Variants in TNS3 observed in about 807,000 individuals in gnomAD.
TNS3 encodes tensin 3, also known as tensin-3.
In TNS3, 45 loss-of-function variants were observed where a neutral mutation model predicts 140.9. The observed-to-expected ratio is 0.32, with a 90% confidence interval of 0.25 to 0.41. TNS3 has a LOEUF of 0.41. Among genes scored for constraint, TNS3 ranks in the 10% least tolerant of loss-of-function variants. The pLI is 1.00. For missense variants in TNS3, 1,716 were observed against 1,906.7 expected (o/e 0.90, Z 1.86); for synonymous variants, 815 against 788.4 (o/e 1.03, Z -0.56).
intron 4 of TNS3, among the ~76,000 whole-genome samples, chr7:47,473,081 C>T (rs967463634): frequency 6.6e-6 from 1 of 152,226 alleles, no homozygotes; most frequent in Non-Finnish European, 1.5e-5. Flanking sequence ...CATCCACACC[C>T]ATCGTCCTCC....
intron 17 of TNS3, among the ~76,000 whole-genome samples, chr7:47,367,185 A>G (rs957783771): frequency 6.6e-6 from 1 of 152,192 alleles, no homozygotes; most frequent in African/African-American, 2.4e-5. Flanking sequence ...CAGCCGCTAC[A>G]GCCTGGCCGT....
intron 17 of TNS3, among the ~76,000 whole-genome samples, chr7:47,347,319 T>G (rs1362835631): frequency 6.6e-6 from 1 of 152,118 alleles, no homozygotes; most frequent in African/African-American, 2.4e-5. Context: ...AAATACATCA[T>G]GATAGTGACA....
intron 16 of TNS3, 176 bp downstream of exon 16, chr7:47,396,624 T>A (rs1208372067): frequency 1.6e-6 from 1 of 626,576 alleles, no homozygotes; most frequent in Non-Finnish European, 2.9e-6. Context: ...TGCCTTATTC[T>A]CACGAAGACC....
At chr7:47,547,088 C>A (rs534162219) in intron 1 of TNS3, among the ~76,000 whole-genome samples, 1 of 152,208 alleles carries the variant, frequency 6.6e-6, no homozygotes, top group East Asian at 1.9e-4. Flanking sequence ...TCATTCATTC[C>A]CGAGTTTATA....
chr7:47,481,133 A>T lies in TNS3; in HGVS notation c.-106T>A. 1 of 1,289,830 alleles carries T rather than the reference A, an allele frequency of 7.8e-7. No individual in the cohort carries two copies. The allele number at this position is 1,289,830 out of a possible 1,614,324, so 79.9% of individuals were successfully genotyped here. A position where few individuals can be genotyped will look rare whatever the true frequency, so the allele number is the denominator to read the frequency against. On this transcript the variant is annotated 5_prime_UTR_variant, in exon 4 of 31. Coordinates refer to ENST00000311160, the MANE Select transcript of TNS3 (RefSeq NM_022748.12). The stretch of plus-strand genomic sequence containing the variant: ...CCAGTCGGACTTGCACACCGCAGGG[A>T]ATCACCACCTTTCAAAGAGAGAAGA...
chr7:47,372,881 C>T (rs1050482425), intron 16 of TNS3, among the ~76,000 whole-genome samples: 1 of 152,172 alleles, frequency 6.6e-6, no homozygotes, highest in Non-Finnish European at 1.5e-5. Flanking sequence ...AAATGTTAAA[C>T]GTACAGGAAA....
At chr7:47,280,505 T>C (rs1785087101) in intron 28 of TNS3, 151 bp from the exon 29 acceptor site, 1 of 760,860 alleles carries the variant, frequency 1.3e-6, no homozygotes, top group Non-Finnish European at 2.3e-6. Flanking sequence ...AGAAAGTGCG[T>C]GCTCATTCAA....
chr7:47,298,704 G>A (rs917724710), intron 23 of TNS3, among the ~76,000 whole-genome samples: 9 of 152,242 alleles, frequency 5.9e-5, no homozygotes, highest in African/African-American at 1.9e-4. Flanking sequence ...ATACCTCCAC[G>A]GCGCACTCCC....
chr7:47,500,689 G>A (rs1302375110), intron 3 of TNS3, among the ~76,000 whole-genome samples: 1 of 152,144 alleles, frequency 6.6e-6, no homozygotes, highest in Non-Finnish European at 1.5e-5. Flanking sequence ...TGAAGCTATT[G>A]TAAAGGGTAC....
At chr7:47,529,576 T>C (rs934523125) in intron 1 of TNS3, among the ~76,000 whole-genome samples, 2 of 152,276 alleles carry the variant, frequency 1.3e-5, no homozygotes, top group Non-Finnish European at 2.9e-5. Flanking sequence ...AATTATGTTA[T>C]GAGGAAGTCA....
At chr7:47,350,911 G>A (rs1288070745) in intron 17 of TNS3, among the ~76,000 whole-genome samples, 1 of 152,128 alleles carries the variant, frequency 6.6e-6, no homozygotes, top group East Asian at 1.9e-4. Flanking sequence ...AAAGACAGTG[G>A]GCAAAGATGC....
intron 20 of TNS3, among the ~76,000 whole-genome samples, chr7:47,336,189 TAAAAA>T (rs10551215): frequency 2.3e-5 from 3 of 133,124 alleles, no homozygotes; most frequent in Non-Finnish European, 5.0e-5. Flanking sequence ...CAAGCAGAGT[TAAAAA>T]AAAAAAAAAA....
At chr7:47,280,026 T>C in intron 30 of TNS3, 138 bp downstream of exon 30, 1 of 1,042,020 alleles carries the variant, frequency 9.6e-7, no homozygotes, top group Non-Finnish European at 1.4e-6. Context: ...ACACTTTTAC[T>C]TTTTTCTTTT....
At chr7:47,444,799 C>T (rs1795645340) in intron 4 of TNS3, among the ~76,000 whole-genome samples, 2 of 151,898 alleles carry the variant, frequency 1.3e-5, no homozygotes, top group African/African-American at 4.8e-5. Flanking sequence ...AAAAAACAAA[C>T]AAAAAAAACC....
chr7:47,495,265 A>T (rs1355688607), intron 3 of TNS3, among the ~76,000 whole-genome samples: 1 of 151,972 alleles, frequency 6.6e-6, no homozygotes, highest in Admixed American at 6.5e-5. Context: ...AGAGGCATGA[A>T]GGCGCATGCA....
intron 1 of TNS3, among the ~76,000 whole-genome samples, chr7:47,546,435 G>A (rs1348759756): frequency 6.6e-6 from 1 of 152,046 alleles, no homozygotes; most frequent in South Asian, 2.1e-4. Context: ...CCAGCCCTGT[G>A]CACATCCACT....
At chr7:47,557,043 AG>A (rs1028760074) in intron 1 of TNS3, 1 of 456,654 alleles carries the variant, frequency 2.2e-6, no homozygotes, top group African/African-American at 2.0e-5. Flanking sequence ...TGACCTGTGC[AG>A]GGTGTGCAGG....
In TNS3 at chr7:47,284,978, T is replaced by C. The variant is rs538462926; in HGVS notation, c.3929-1113A>G. Among the ~76,000 whole-genome samples the C allele has an allele frequency of 2.0e-5, 3 of 152,296 alleles. No individual in the cohort carries two copies. The East Asian group carries it at 5.8e-4, about 29-fold the overall frequency. The stretch of plus-strand genomic sequence containing the variant: ...TCAGAACCAGCAAGGGCCATGCCTA[T>C]TGGCAGGTGTGTTGGCAGGTGCACA... On this transcript the variant is annotated intron_variant, in intron 27 of 30. Transcript: ENST00000311160.
intron 20 of TNS3, among the ~76,000 whole-genome samples, chr7:47,330,659 G>A (rs991274376): frequency 6.6e-6 from 1 of 152,084 alleles, no homozygotes; most frequent in African/African-American, 2.4e-5. Flanking sequence ...GGGGCAACAG[G>A]AGTTTCCCTT....
Sources: allele counts gnomAD v4.1 joint callset (sites outside exome capture counted in the v4.1 genomes callset), GRCh38; gene constraint gnomAD v4.1.1; transcripts MANE v1.5; gene names NCBI Gene and HGNC (gene_info 2026-07-23, HGNC 2026-07-21).